Variants in MTX2 observed in about 807,000 individuals in gnomAD.
The protein encoded by MTX2 is metaxin-2.
MTX2 carries 35 observed loss-of-function variants against 42.3 expected under a neutral mutation model. The ratio of observed to expected loss-of-function variants is 0.83; its 90% CI spans 0.63 to 1.10. The LOEUF is 1.10. Among genes scored for constraint, MTX2 ranks in the 50% least tolerant of loss-of-function variants. The probability of loss-of-function intolerance (pLI) is 0.00; values close to 1 mark genes in which losing one functional copy is unlikely to be tolerated. For synonymous variants in MTX2, 119 were observed against 100.9 expected (o/e 1.18, Z -1.08); for missense variants, 307 against 304.1 (o/e 1.01, Z -0.07).
chr2:176,283,953 T>C (rs1412587631), intron 1 of MTX2, among the ~76,000 whole-genome samples: 1 of 152,134 alleles, frequency 6.6e-6, no homozygotes, highest in Non-Finnish European at 1.5e-5. Flanking sequence ...ACTCATAGTA[T>C]CAGTGCTTCT....
At chr2:176,309,920 G>A (rs1226512539) in intron 3 of MTX2, among the ~76,000 whole-genome samples, 1 of 151,914 alleles carries the variant, frequency 6.6e-6, no homozygotes, top group African/African-American at 2.4e-5. Context: ...GGTTAATATT[G>A]TTATATGTGA....
intron 3 of MTX2, among the ~76,000 whole-genome samples, chr2:176,313,726 A>G (rs907646123): frequency 2.0e-5 from 3 of 147,484 alleles, no homozygotes; most frequent in Non-Finnish European, 3.1e-5. Flanking sequence ...AGACTGATGC[A>G]GAGGATTTCC....
In MTX2 at chr2:176,299,408, TA is replaced by T. The variant is rs2105415970; in HGVS notation, c.135+1516del. 1.3e-5 allele frequency among the ~76,000 whole-genome samples: 2 copies of T among 152,106 alleles called. 1 individual carries two copies. The highest frequency in any genetic ancestry group is 1.3e-4 in the Admixed American group (2 of 15,242). The stretch of plus-strand genomic sequence containing the variant: ...ATAACCCGGAGAAGGGGGGAAAAAA[TA>T]AATCTTAGTGTGTATTTTATTTGTT... On this transcript the variant is annotated intron_variant, in intron 3 of 9. Coordinates refer to ENST00000249442, the MANE Select transcript of MTX2 (RefSeq NM_006554.5).
At chr2:176,269,727 G>C (rs896968153) in intron 1 of MTX2, 58 bp downstream of exon 1, 1 of 1,547,318 alleles carries the variant, frequency 6.5e-7, no homozygotes, top group Admixed American at 1.9e-5. Flanking sequence ...GAGCCGCGTG[G>C]GGTACAGGGC....
intron 3 of MTX2, among the ~76,000 whole-genome samples, chr2:176,313,349 ATCTTCT>A (rs1384499569): frequency 6.9e-6 from 1 of 145,908 alleles, no homozygotes; most frequent in African/African-American, 2.6e-5. Flanking sequence ...TCTCTCTCTG[ATCTTCT>A]GCTCATTAAC....
rs992636316 is a variant in MTX2 at position 176,337,791 on chromosome 2, T to C, written c.*127T>C. ...TTGAAACCTCAAATTATATAATGTATCTTATGTATGTGCTTTATATTGTTA... is the reference window on the plus strand; with the variant it reads ...TTGAAACCTCAAATTATATAATGTACCTTATGTATGTGCTTTATATTGTTA... On this transcript the variant is annotated 3_prime_UTR_variant, in exon 10 of 10. Transcript: ENST00000249442. 3.9e-6 allele frequency: 3 copies of C among 779,152 alleles called. No individual in the cohort carries two copies. Among genetic ancestry groups the C allele is most frequent in the Non-Finnish European group, 6.0e-6 (3 of 496,896 alleles). The allele number at this position is 779,152 out of a possible 1,614,324, so 48.3% of individuals were successfully genotyped here.
chr2:176,328,109 A>C (rs948633199), intron 5 of MTX2, among the ~76,000 whole-genome samples, 184 bp from the exon 6 acceptor site: 4 of 151,224 alleles, frequency 2.6e-5, no homozygotes, highest in Non-Finnish European at 5.9e-5. Flanking sequence ...AAGTAAGTAC[A>C]TACTAATATT....
At position 176,320,205 on chromosome 2, in the gene MTX2, G is replaced by C. The variant is rs1009359503; in HGVS notation, c.136-3187G>C. Among the ~76,000 whole-genome samples, 9 of 151,900 alleles carry C rather than the reference G, an allele frequency of 5.9e-5. No homozygotes were observed. The South Asian group carries it at 1.5e-3, about 25-fold the overall frequency. On this transcript the variant is annotated intron_variant, in intron 3 of 9. Coordinates refer to ENST00000249442, the MANE Select transcript of MTX2 (RefSeq NM_006554.5). ...GAAGGTTGCATTGAGCTGAGATTGT[G>C]CCACTGCACTCCAGCCTGGGCGACA...
At chr2:176,303,304 A>G (rs1452176992) in intron 3 of MTX2, among the ~76,000 whole-genome samples, 1 of 152,140 alleles carries the variant, frequency 6.6e-6, no homozygotes, top group Non-Finnish European at 1.5e-5. Context: ...ATTCCTCTCA[A>G]TTTGATCATC....
At chr2:176,307,376 G>C (rs1684178780) in intron 3 of MTX2, among the ~76,000 whole-genome samples, 2 of 152,178 alleles carry the variant, frequency 1.3e-5, no homozygotes, top group African/African-American at 4.8e-5. Flanking sequence ...GCTTAGGATT[G>C]TCTTGGCAAT....
At position 176,323,457 on chromosome 2, in the gene MTX2, T is replaced by C. The variant is rs1558942212; in HGVS notation, c.201T>C (p.Ser67=). ...GTAGGGCAAATGCAGAATATATGTC[T>C]CCATCTGGTAAGTGTGTTTTTTTTT... is the stretch of plus-strand genomic sequence containing the variant. The part of the protein sequence containing the change: ...VVCRANAEYM[S]PSGKVPFIHV... The change falls in exon 4 of 10, where the codon TCT becomes TCC. Residue 67 remains serine (S), a synonymous_variant. Coordinates refer to ENST00000249442, the MANE Select transcript of MTX2 (RefSeq NM_006554.5). 1 of 1,610,102 alleles carries C rather than the reference T, an allele frequency of 6.2e-7. No individual in the cohort carries two copies. Among genetic ancestry groups the C allele is most frequent in the Non-Finnish European group, 8.5e-7 (1 of 1,177,396 alleles).
In MTX2 at chr2:176,269,610, C is replaced by T. The variant is rs570571449; in HGVS notation, c.-20C>T. The T allele has an allele frequency of 4.2e-5, 66 of 1,576,732 alleles. 2 individuals carry two copies. In the South Asian group the frequency reaches 7.2e-4, roughly 17 times the overall value. ...GGCCCGTGGGGGGCAGGCACCCGGG[C>T]GCCGGGCCTCCCAGCCGACATGTCT... is the stretch of plus-strand genomic sequence containing the variant. On this transcript the variant is annotated 5_prime_UTR_variant, in exon 1 of 10. Coordinates refer to ENST00000249442, the MANE Select transcript of MTX2 (RefSeq NM_006554.5).
chr2:176,312,177 A>G (rs1477289244), intron 3 of MTX2, among the ~76,000 whole-genome samples: 1 of 152,220 alleles, frequency 6.6e-6, no homozygotes, highest in Non-Finnish European at 1.5e-5. Flanking sequence ...AACTTTTTAA[A>G]GCAGTGAGCT....
chr2:176,274,345 C>G (rs1692895688), intron 1 of MTX2, among the ~76,000 whole-genome samples: 3 of 151,860 alleles, frequency 2.0e-5, no homozygotes, highest in Non-Finnish European at 4.4e-5. Flanking sequence ...TTTTTGTAAC[C>G]TGTTTTGTCA....
chr2:176,330,007 G>C (rs970790353), intron 8 of MTX2, among the ~76,000 whole-genome samples: 3 of 150,886 alleles, frequency 2.0e-5, no homozygotes, highest in African/African-American at 7.3e-5. Flanking sequence ...ATTAATGCCC[G>C]TCTTTTCCAA....
At chr2:176,319,854 A>T (rs1684534891) in intron 3 of MTX2, among the ~76,000 whole-genome samples, 1 of 152,066 alleles carries the variant, frequency 6.6e-6, no homozygotes, top group Admixed American at 6.6e-5. Context: ...GATTATAGGC[A>T]TGAGCCAAAA....
At chr2:176,296,928 A>G in intron 2 of MTX2, 21 bp downstream of exon 2, 2 of 1,606,074 alleles carry the variant, frequency 1.2e-6, no homozygotes, top group African/African-American at 1.3e-5. Flanking sequence ...TTCACAATTA[A>G]AAATGGCTTT....
intron 1 of MTX2, among the ~76,000 whole-genome samples, chr2:176,274,015 G>A (rs892781669): frequency 1.3e-5 from 2 of 151,816 alleles, no homozygotes; most frequent in Admixed American, 1.3e-4. Flanking sequence ...CCTTGCCTGA[G>A]ATGTGCACTT....
intron 1 of MTX2, among the ~76,000 whole-genome samples, chr2:176,292,758 A>C (rs1004984075): frequency 6.6e-6 from 1 of 152,200 alleles, no homozygotes; most frequent in South Asian, 2.1e-4. Flanking sequence ...CATGGTTTAC[A>C]TGTAATTTAC....
Sources: allele counts gnomAD v4.1 joint callset (sites outside exome capture counted in the v4.1 genomes callset), GRCh38; gene constraint gnomAD v4.1.1; transcripts MANE v1.5; gene names NCBI Gene and HGNC (gene_info 2026-07-23, HGNC 2026-07-21).